Variants in RYR1 observed in about 807,000 individuals in gnomAD.
RYR1 encodes central core disease of muscle.
A neutral mutation model predicts 583.5 loss-of-function variants in RYR1; 342 were observed. The ratio of observed to expected loss-of-function variants is 0.59; its 90% CI spans 0.54 to 0.64. The LOEUF (loss-of-function observed/expected upper bound fraction) is 0.64. RYR1 is among the 30% of genes least tolerant of loss of function. The pLI is 0.00. For synonymous variants in RYR1, 2,791 were observed against 2,822.5 expected (o/e 0.99, Z 0.35); for missense variants, 6,032 against 6,917.2 (o/e 0.87, Z 4.54).
chr19:38,523,885 C>T (rs1568535883), intron 69 of RYR1, 30 bp from the exon 70 acceptor site: 3 of 1,614,004 alleles, frequency 1.9e-6, no homozygotes, highest in Non-Finnish European at 2.5e-6. Context: ...GGTAACCCTT[C>T]TTGTCTCTGT....
chr19:38,516,288 A>C, intron 65 of RYR1, 71 bp downstream of exon 65: 1 of 1,512,948 alleles, frequency 6.6e-7, no homozygotes, highest in Non-Finnish European at 9.0e-7. Context: ...GGGAGACCCT[A>C]ATTTGGGGGT....
At chr19:38,472,884 C>T (rs114390995) in intron 27 of RYR1, among the ~76,000 whole-genome samples, 5,551 of 146,918 alleles carry the variant, frequency 0.038, 337 homozygotes, top group African/African-American at 0.13. Context: ...GAATCTTGTA[C>T]GCACAGTTTT....
intron 75 of RYR1, 109 bp from the exon 76 acceptor site, chr19:38,528,842 C>A: frequency 7.0e-7 from 1 of 1,432,074 alleles, no homozygotes; most frequent in Non-Finnish European, 9.8e-7. Context: ...CAAAGTAGGG[C>A]GCAGGATGTG....
chr19:38,460,264 G>A (rs1967654671), intron 19 of RYR1, 111 bp from the exon 20 acceptor site: 3 of 988,630 alleles, frequency 3.0e-6, no homozygotes, highest in East Asian at 2.4e-5. Context: ...GTGACCTTTG[G>A]TCTCCCCAGA....
At chr19:38,436,290 C>T (rs953686709) in intron 1 of RYR1, among the ~76,000 whole-genome samples, 1 of 151,670 alleles carries the variant, frequency 6.6e-6, no homozygotes, top group African/African-American at 2.4e-5. Flanking sequence ...TCAACGCAAC[C>T]TCCACTTCCC....
chr19:38,574,757 T>C (rs1239423185), intron 96 of RYR1, among the ~76,000 whole-genome samples: 1 of 151,956 alleles, frequency 6.6e-6, no homozygotes, highest in East Asian at 1.9e-4. Context: ...AACTCGTGGC[T>C]GGGCACAGTG....
chr19:38,489,339 G>A lies in RYR1; in HGVS notation c.5710G>A (p.Glu1904Lys), dbSNP rs1969448076. 6.2e-7 allele frequency: 1 copy of A among 1,609,776 alleles called. No individual in the cohort carries two copies. The highest frequency in any genetic ancestry group is 1.7e-5 in the Admixed American group (1 of 59,984). Residue 1904 changes from glutamate (E) to lysine (K), a missense_variant, in exon 35 of 106, where the codon GAA becomes AAA. Glu to Lys is a moderately conservative substitution (Grantham distance 56). Around this residue, in one of 11 missense-constraint regions of RYR1, gnomAD observed 2,627 missense variants for 2,961.3 expected, o/e 0.89. Coordinates refer to ENST00000359596, the MANE Select transcript of RYR1 (RefSeq NM_000540.3). The stretch of plus-strand genomic sequence containing the variant: ...TGAGGAGGAAACAGCACAGGAAAAG[G>A]AAGATGAGGAAAAAGAGGAAGAGGA... The part of the protein sequence containing the change: ...EDEEETAQEK[E>K]DEEKEEEEAA...
intron 89 of RYR1, among the ~76,000 whole-genome samples, chr19:38,558,969 G>A (rs1461920709): frequency 3.3e-5 from 5 of 151,184 alleles, no homozygotes; most frequent in African/African-American, 9.7e-5. Context: ...CACGCCTGTA[G>A]TCCCAGCTAC....
At chr19:38,492,467 C>G in intron 37 of RYR1, 23 bp from the exon 38 acceptor site, 1 of 1,613,616 alleles carries the variant, frequency 6.2e-7, no homozygotes, top group Non-Finnish European at 8.5e-7. Context: ...AATGACATTT[C>G]CCGCCTTCTT....
intron 90 of RYR1, among the ~76,000 whole-genome samples, 155 bp from the exon 91 acceptor site, chr19:38,564,804 C>T (rs917193165): frequency 7.2e-5 from 11 of 152,204 alleles, no homozygotes; most frequent in African/African-American, 1.2e-4. Flanking sequence ...GCGGAGCCAC[C>T]GCGCCCAGCC....
At chr19:38,527,135 AC>A in intron 72 of RYR1, 83 bp downstream of exon 72, 1 of 1,494,738 alleles carries the variant, frequency 6.7e-7, no homozygotes, top group Non-Finnish European at 9.2e-7. Flanking sequence ...TTTACCAAAG[AC>A]CAGGCATTGA....
In RYR1 at chr19:38,507,924, GTCCTCCCCTTA is replaced by G. The variant is rs67918215; in HGVS notation, c.8932+100_8932+110del. ...GGACACCTGTTCATGCACTCAATCC[GTCCTCCCCTTA>G]TCTGATGTTTATTGAGCTTCTACTA... On this transcript the variant is annotated intron_variant, in intron 58 of 105. Transcript: ENST00000359596. The G allele has an allele frequency of 0.17, 126,716 of 758,532 alleles. 12,078 individuals are homozygous for G. Among genetic ancestry groups the G allele is most frequent in the African/African-American group, 0.31 (18,301 of 58,642 alleles). 47.0% of individuals were successfully genotyped at this position (758,532 alleles called of 1,614,324 possible). A position where few individuals can be genotyped will look rare whatever the true frequency, so the allele number is the denominator to read the frequency against.
intron 30 of RYR1, 64 bp from the exon 31 acceptor site, chr19:38,478,370 AG>A (rs1489072468): frequency 7.6e-6 from 12 of 1,572,796 alleles, no homozygotes; most frequent in Non-Finnish European, 9.6e-6. Flanking sequence ...AGCTTGGGGA[AG>A]GGGGTGTCCA....
rs1353415834 is a variant in RYR1 at position 38,546,406 on chromosome 19, G to A, written c.12013-39G>A. ...GAGAAGCAACAGAGGTGGGGGAGGT[G>A]TATGCTGAGACCAGCCCTCACCGAG... On this transcript the variant is annotated intron_variant, in intron 87 of 105. Transcript: ENST00000359596. 3.2e-6 allele frequency: 5 copies of A among 1,573,538 alleles called. No homozygotes were observed. In the South Asian group the frequency reaches 4.4e-5, roughly 14 times the overall value.
chr19:38,473,053 G>T (rs1043696903), intron 27 of RYR1, among the ~76,000 whole-genome samples: 1 of 151,848 alleles, frequency 6.6e-6, no homozygotes, highest in South Asian at 2.1e-4. Flanking sequence ...GAGCTGCCTG[G>T]TTACTGGTTA....
At chr19:38,576,887 C>G (rs1649116033) in intron 97 of RYR1, among the ~76,000 whole-genome samples, 2 of 151,958 alleles carry the variant, frequency 1.3e-5, no homozygotes, top group Non-Finnish European at 2.9e-5. Flanking sequence ...GCCTGCTTTT[C>G]TTTTGTTTTT....
intron 76 of RYR1, among the ~76,000 whole-genome samples, chr19:38,529,262 C>G (rs1462347713): frequency 6.6e-6 from 1 of 152,234 alleles, no homozygotes; most frequent in East Asian, 1.9e-4. Flanking sequence ...CAGGCAATCA[C>G]TTGAGCCCAG....
chr19:38,572,396 G>A lies in RYR1; in HGVS notation c.13998+126G>A, dbSNP rs1973761758. The A allele has an allele frequency of 3.4e-6, 4 of 1,186,860 alleles. 1 individual carries two copies. Among genetic ancestry groups the A allele is most frequent in the Non-Finnish European group, 4.7e-6 (4 of 845,480 alleles). The allele number at this position is 1,186,860 out of a possible 1,614,324, so 73.5% of individuals were successfully genotyped here. ...TGGGACAGAGGGGGCCTAGGGTTGG[G>A]GTGAGGGCTGGGGAACTGGGTACAG... On this transcript the variant is annotated intron_variant, in intron 95 of 105. Transcript: ENST00000359596.
At chr19:38,587,217 C>T in intron 105 of RYR1, 108 bp from the exon 106 acceptor site, 1 of 766,284 alleles carries the variant, frequency 1.3e-6, no homozygotes, top group Non-Finnish European at 2.3e-6. Context: ...GTCGCCACTG[C>T]ACTCCAGCCT....
Sources: gnomAD v4.1 joint callset for allele counts (sites outside exome capture counted in the v4.1 genomes callset) on GRCh38, gnomAD v4.1.1 for gene constraint, gnomAD v4.1.1 regional missense constraint, MANE v1.5 for transcripts, NCBI Gene and HGNC (gene_info 2026-07-23, HGNC 2026-07-21) for gene names.